The following EHF variants were observed in gnomAD, a reference collection of about 807,000 sequenced individuals.
EHF encodes ETS homologous factor.
In EHF, 14 loss-of-function variants were observed where a neutral mutation model predicts 45.1. The observed-to-expected ratio is 0.31, with a 90% CI of 0.21 to 0.49. The LOEUF is 0.49. Among genes scored for constraint, EHF ranks in the 20% least tolerant of loss-of-function variants. The pLI is 0.99. For missense variants in EHF, 282 were observed against 371.4 expected, an observed-to-expected ratio of 0.76 and a Z score of 1.98; for synonymous variants, 136 against 131.8, an observed-to-expected ratio of 1.03 and a Z score of -0.22.
Position 34,630,643 on chromosome 11 carries a change from C to T in EHF, c.-4+9415C>T, listed in dbSNP as rs112415113. On this transcript the variant is annotated intron_variant, in intron 1 of 8. Coordinates refer to ENST00000257831, the MANE Select transcript of EHF (RefSeq NM_012153.6). ...CCTGGCTCCAATCCCCACCCCTTAC[C>T]GTCCTCCACCCTTCCTACATTCCTG... Among the ~76,000 whole-genome samples, 237 of 150,406 alleles carry T rather than the reference C, an allele frequency of 1.6e-3. 1 individual carries two copies. Among genetic ancestry groups the T allele is most frequent in the Non-Finnish European group, 2.8e-3 (189 of 67,708 alleles).
At chr11:34,641,274 C>T (rs1310304252) in intron 1 of EHF, among the ~76,000 whole-genome samples, 2 of 152,172 alleles carry the variant, frequency 1.3e-5, no homozygotes, top group African/African-American at 4.8e-5. Flanking sequence ...TTGTGTGTAG[C>T]CTAGTTCAAC....
intron 6 of EHF, among the ~76,000 whole-genome samples, chr11:34,655,022 G>A (rs551614725): frequency 6.6e-6 from 1 of 152,308 alleles, no homozygotes; most frequent in African/African-American, 2.4e-5. Context: ...AACCGGGGTG[G>A]ATGCCAGACC....
chr11:34,622,594 T>G (rs1852057929), intron 1 of EHF, among the ~76,000 whole-genome samples: 1 of 152,164 alleles, frequency 6.6e-6, no homozygotes, highest in African/African-American at 2.4e-5. Context: ...TCTTAAGAGA[T>G]TTTAAGGATG....
In EHF at chr11:34,642,775, C is replaced by T. The variant is rs749238156; in HGVS notation, c.97+48C>T. 3.6e-6 allele frequency: 5 copies of T among 1,371,604 alleles called. No homozygotes were observed. In the African/African-American group the frequency reaches 7.1e-5, roughly 20 times the overall value. The allele number at this position is 1,371,604 out of a possible 1,614,324, so 85.0% of individuals were successfully genotyped here. ...GTGTCACTGCTGTGCTGTGTGGGCT[C>T]TTTGCTTTAATTCCTCTCACAACCT... On this transcript the variant is annotated intron_variant, in intron 2 of 8. Coordinates refer to ENST00000257831, the MANE Select transcript of EHF (RefSeq NM_012153.6).
chr11:34,657,415 T>A (rs1774653711), intron 7 of EHF, among the ~76,000 whole-genome samples: 1 of 152,174 alleles, frequency 6.6e-6, no homozygotes, highest in Non-Finnish European at 1.5e-5. Context: ...TCAACACTGC[T>A]CTTTGGGAGT....
chr11:34,628,968 T>C (rs893320591), intron 1 of EHF, among the ~76,000 whole-genome samples: 1 of 152,242 alleles, frequency 6.6e-6, no homozygotes, highest in Non-Finnish European at 1.5e-5. Context: ...CATGTTCCTT[T>C]TACACTGAGC....
At chr11:34,622,367 GA>G (rs1297011391) in intron 1 of EHF, 2 of 1,272,694 alleles carry the variant, frequency 1.6e-6, no homozygotes, top group South Asian at 2.5e-5. Context: ...TGGATTCCAA[GA>G]ACTTACTGAT....
In EHF at chr11:34,651,596, A is replaced by G. The variant is rs768908230; in HGVS notation, c.461A>G (p.Tyr154Cys). ...KDENYLYDTNYGSTVDLLDSK... is the reference protein window; with the variant it reads ...KDENYLYDTNCGSTVDLLDSK... ...GAGAACTATTTATATGACACCAACT[A>G]TGGTAGCACAGTAGGTAACTAACTC... Residue 154 changes from tyrosine to cysteine, a missense_variant, in exon 5 of 9, where the codon TAT becomes TGT. Coordinates refer to ENST00000257831, the MANE Select transcript of EHF (RefSeq NM_012153.6). The G allele has an allele frequency of 1.2e-6, 2 of 1,613,590 alleles. No homozygotes were observed. The highest frequency in any genetic ancestry group is 8.5e-7 in the Non-Finnish European group (1 of 1,179,504).
chr11:34,644,623 G>A (rs190711733), intron 2 of EHF, among the ~76,000 whole-genome samples: 42 of 152,352 alleles, frequency 2.8e-4, no homozygotes, highest in African/African-American at 8.4e-4. Flanking sequence ...TGCTTCTGAG[G>A]TCTGGAAGCC....
chr11:34,645,406 A>G (rs1854415857), intron 2 of EHF, among the ~76,000 whole-genome samples: 1 of 152,218 alleles, frequency 6.6e-6, no homozygotes, highest in South Asian at 2.1e-4. Flanking sequence ...TCAAAAATAC[A>G]TTCCATTAAA....
chr11:34,632,576 G>A, intron 1 of EHF: 1 of 1,535,632 alleles, frequency 6.5e-7, no homozygotes, highest in Non-Finnish European at 8.7e-7. Flanking sequence ...AGAGTTTTCT[G>A]TGAAGGCAAG....
intron 1 of EHF, among the ~76,000 whole-genome samples, chr11:34,625,113 C>G (rs911791345): frequency 6.6e-6 from 1 of 152,122 alleles, no homozygotes; most frequent in African/African-American, 2.4e-5. Context: ...AAGGATGAGG[C>G]AGGAAAGATT....
intron 1 of EHF, among the ~76,000 whole-genome samples, chr11:34,625,881 GT>G (rs1852336646): frequency 6.6e-6 from 1 of 151,284 alleles, no homozygotes; most frequent in African/African-American, 2.4e-5. Flanking sequence ...TGTTTGTTTT[GT>G]TTTTTTAGCA....
chr11:34,645,403 T>G, intron 2 of EHF, among the ~76,000 whole-genome samples: 1 of 152,168 alleles, frequency 6.6e-6, no homozygotes, highest in East Asian at 1.9e-4. Flanking sequence ...TCTTCAAAAA[T>G]ACATTCCATT....
At chr11:34,636,203 T>C (rs1332013782) in intron 1 of EHF, among the ~76,000 whole-genome samples, 2 of 152,260 alleles carry the variant, frequency 1.3e-5, no homozygotes, top group Non-Finnish European at 2.9e-5. Context: ...GTCATGCTTT[T>C]CCAAGCATTT....
Position 34,659,173 on chromosome 11 carries a change from G to C in EHF, c.*242G>C, listed in dbSNP as rs758886683. On this transcript the variant is annotated 3_prime_UTR_variant, in exon 9 of 9. Coordinates refer to ENST00000257831, the MANE Select transcript of EHF (RefSeq NM_012153.6). ...ACAGTTTTCTGTGAAATATGATGCT[G>C]TATGTGGTTGTGATTTTTTTTCACC... 6 of 356,124 alleles carry C rather than the reference G, an allele frequency of 1.7e-5. No individual in the cohort carries two copies. The highest frequency in any genetic ancestry group is 1.5e-5 in the Non-Finnish European group (3 of 198,394). The allele number at this position is 356,124 out of a possible 1,614,324, so 22.1% of individuals were successfully genotyped here. A position where few individuals can be genotyped will look rare whatever the true frequency, so the allele number is the denominator to read the frequency against.
intron 3 of EHF, among the ~76,000 whole-genome samples, chr11:34,648,145 C>T (rs954129663): frequency 2.6e-5 from 4 of 152,118 alleles, no homozygotes; most frequent in African/African-American, 7.2e-5. Context: ...CTTCTATCAA[C>T]TAACATTTAT....
chr11:34,647,229 A>C (rs1160924818), intron 3 of EHF, among the ~76,000 whole-genome samples: 2 of 152,110 alleles, frequency 1.3e-5, no homozygotes, highest in African/African-American at 4.8e-5. Flanking sequence ...CAGATTCTTA[A>C]AAGGTCTGTA....
chr11:34,635,331 G>A (rs934775671), intron 1 of EHF, among the ~76,000 whole-genome samples: 2 of 152,002 alleles, frequency 1.3e-5, no homozygotes, highest in Non-Finnish European at 2.9e-5. Context: ...TAGGAATCCC[G>A]AGGCTGAGCA....
Sources: allele counts gnomAD v4.1 joint callset (sites outside exome capture counted in the v4.1 genomes callset), GRCh38; gene constraint gnomAD v4.1.1; transcripts MANE v1.5; gene names NCBI Gene and HGNC (gene_info 2026-07-23, HGNC 2026-07-21).